The following ACVR2A variants were observed in gnomAD, a reference collection of about 807,000 sequenced individuals.
ACVR2A encodes the protein activin A receptor type 2A.
A neutral mutation model predicts 61.4 loss-of-function variants in ACVR2A; 7 were observed. The ratio of observed to expected loss-of-function variants is 0.11; its 90% CI spans 0.06 to 0.21. The LOEUF is 0.21. Ranked by LOEUF, ACVR2A falls within the 10% of genes least tolerant of loss-of-function variation. The pLI, the probability that ACVR2A is intolerant of heterozygous loss-of-function variation, is 1.00. For synonymous variants in ACVR2A, 193 were observed against 208.3 expected (o/e 0.93, Z 0.63); for missense variants, 322 against 621.7 (o/e 0.52, Z 5.13).
intron 1 of ACVR2A, among the ~76,000 whole-genome samples, chr2:147,859,568 G>C (rs538667369): frequency 6.6e-6 from 1 of 152,108 alleles, no homozygotes; most frequent in Non-Finnish European, 1.5e-5. Flanking sequence ...CTTCAGTTGT[G>C]TGTGTGATTG....
At chr2:147,853,679 A>G (rs980259887) in intron 1 of ACVR2A, among the ~76,000 whole-genome samples, 1 of 152,138 alleles carries the variant, frequency 6.6e-6, no homozygotes, top group African/African-American at 2.4e-5. Flanking sequence ...GTTGCCTTTC[A>G]AAAGATTTTA....
chr2:147,917,468 GC>G (rs1687273617), intron 6 of ACVR2A, 42 bp downstream of exon 6: 2 of 1,601,622 alleles, frequency 1.2e-6, no homozygotes, highest in Non-Finnish European at 1.7e-6. Context: ...GTCTGAGTTG[GC>G]CTGCCTACCT....
At chr2:147,880,480 G>T (rs548297414) in intron 1 of ACVR2A, among the ~76,000 whole-genome samples, 27 of 152,148 alleles carry the variant, frequency 1.8e-4, no homozygotes, top group South Asian at 1.0e-3. Flanking sequence ...AAATAATAAA[G>T]TACCTTGATA....
At chr2:147,896,968 T>C (rs1450913499) in intron 2 of ACVR2A, 40 of 81,672 alleles carry the variant, frequency 4.9e-4, no homozygotes, top group Non-Finnish European at 6.8e-4. Context: ...CCCCCGCCCC[T>C]TTTTTTTTTC....
chr2:147,920,411 T>A, intron 8 of ACVR2A, 67 bp downstream of exon 8: 2 of 1,222,280 alleles, frequency 1.6e-6, no homozygotes, highest in Non-Finnish European at 2.4e-6. Context: ...GAATGGCATG[T>A]CAGGACTGAA....
intron 1 of ACVR2A, among the ~76,000 whole-genome samples, chr2:147,882,605 TGACTTCCAA>T (rs1271460366): frequency 1.3e-5 from 2 of 152,204 alleles, no homozygotes; most frequent in African/African-American, 4.8e-5. Context: ...GGTTAAATGT[TGACTTCCAA>T]GTATTTTTAC....
intron 1 of ACVR2A, among the ~76,000 whole-genome samples, chr2:147,881,493 C>G (rs944839930): frequency 6.7e-5 from 10 of 149,198 alleles, no homozygotes; most frequent in Non-Finnish European, 7.4e-5. Context: ...TTTTTTTTTT[C>G]TTTCCTTTAG....
chr2:147,885,309 G>C (rs6737271), intron 1 of ACVR2A, among the ~76,000 whole-genome samples: 2,530 of 152,170 alleles, frequency 0.017, 74 homozygotes, highest in African/African-American at 0.058. Flanking sequence ...ATTTTGAATA[G>C]AAGTATAGTA....
At chr2:147,849,919 T>C (rs538226887) in intron 1 of ACVR2A, among the ~76,000 whole-genome samples, 5 of 152,332 alleles carry the variant, frequency 3.3e-5, no homozygotes, top group Admixed American at 1.3e-4. Flanking sequence ...GACTTTATTT[T>C]GTTGCATTTT....
At position 147,863,739 on chromosome 2, in the gene ACVR2A, C is replaced by G. The variant is rs1685785587; in HGVS notation, c.55+18532C>G. On this transcript the variant is annotated intron_variant, in intron 1 of 10. Transcript: ENST00000241416. ...TGCATACAGGTGGATTCACACAGTTCAAACCCATGTTTGAGGGTTGTTTGA... is the reference window on the plus strand; with the variant it reads ...TGCATACAGGTGGATTCACACAGTTGAAACCCATGTTTGAGGGTTGTTTGA... 2.6e-5 allele frequency among the ~76,000 whole-genome samples: 4 copies of G among 152,246 alleles called. No individual in the cohort carries two copies. The South Asian group carries it at 8.3e-4, about 32-fold the overall frequency.
chr2:147,875,879 C>T (rs557129173), intron 1 of ACVR2A, among the ~76,000 whole-genome samples: 1 of 152,046 alleles, frequency 6.6e-6, no homozygotes, highest in Non-Finnish European at 1.5e-5. Context: ...AAAGGAAGAT[C>T]ATAGGACATG....
chr2:147,917,912 G>A (rs1449129755), intron 6 of ACVR2A, among the ~76,000 whole-genome samples: 1 of 151,880 alleles, frequency 6.6e-6, no homozygotes, highest in African/African-American at 2.4e-5. Flanking sequence ...TTTAGAGTCA[G>A]TGTGAAAGTA....
At chr2:147,848,748 A>G (rs1194362804) in intron 1 of ACVR2A, among the ~76,000 whole-genome samples, 1 of 152,138 alleles carries the variant, frequency 6.6e-6, no homozygotes, top group Non-Finnish European at 1.5e-5. Flanking sequence ...TCTGCACAGC[A>G]AACCCCATTA....
intron 4 of ACVR2A, among the ~76,000 whole-genome samples, chr2:147,910,678 A>G (rs1236618089): frequency 6.6e-6 from 1 of 152,080 alleles, no homozygotes; most frequent in Non-Finnish European, 1.5e-5. Context: ...ACTGGTGATC[A>G]TATTTCTTTT....
chr2:147,916,867 G>T (rs955871005), intron 5 of ACVR2A, among the ~76,000 whole-genome samples: 1 of 150,856 alleles, frequency 6.6e-6, no homozygotes, highest in Non-Finnish European at 1.5e-5. Context: ...TTTTTGAAAA[G>T]AAGAAGTTTT....
chr2:147,897,782 T>C (rs891913590), intron 2 of ACVR2A, among the ~76,000 whole-genome samples: 3 of 152,202 alleles, frequency 2.0e-5, no homozygotes, highest in Non-Finnish European at 4.4e-5. Flanking sequence ...GTATTTAGAA[T>C]GTACTTCTAA....
chr2:147,856,980 G>T (rs752181861), intron 1 of ACVR2A, among the ~76,000 whole-genome samples: 4 of 152,122 alleles, frequency 2.6e-5, no homozygotes, highest in Non-Finnish European at 5.9e-5. Context: ...GAGAGGGTTA[G>T]AAATAATAGA....
At position 147,910,842 on chromosome 2, in the gene ACVR2A, C is replaced by A. The variant is rs192307639; in HGVS notation, c.529-4349C>A. Among the ~76,000 whole-genome samples, 14 of 152,202 alleles carry A rather than the reference C, an allele frequency of 9.2e-5. No individual in the cohort carries two copies. In the East Asian group the frequency reaches 2.1e-3, roughly 23 times the overall value. ...AACTGCTTCACCTTGATGTGCTGGG[C>A]AAGTAGGTTTGATAATATTCTGTCA... On this transcript the variant is annotated intron_variant, in intron 4 of 10. Coordinates refer to ENST00000241416, the MANE Select transcript of ACVR2A (RefSeq NM_001616.5).
intron 1 of ACVR2A, among the ~76,000 whole-genome samples, chr2:147,873,788 C>T (rs1420119875): frequency 6.6e-6 from 1 of 151,928 alleles, no homozygotes; most frequent in Non-Finnish European, 1.5e-5. Flanking sequence ...TATTCTATGA[C>T]AAGGCCAAAA....
Sources: allele counts gnomAD v4.1 joint callset (sites outside exome capture counted in the v4.1 genomes callset), GRCh38; gene constraint gnomAD v4.1.1; transcripts MANE v1.5; gene names NCBI Gene and HGNC (gene_info 2026-07-23, HGNC 2026-07-21).